The following AHNAK2 variants were observed in gnomAD, a reference collection of about 807,000 sequenced individuals.
AHNAK2 encodes protein AHNAK2.
Under a neutral mutation model 30.7 loss-of-function variants are expected in AHNAK2, and 18 were observed. The observed-to-expected ratio is 0.59, with a 90% CI of 0.41 to 0.87. The LOEUF (loss-of-function observed/expected upper bound fraction) is 0.87, where lower values mean the gene tolerates loss of function less well. Among genes scored for constraint, AHNAK2 ranks in the 40% least tolerant of loss-of-function variants. The pLI is 0.00. For synonymous variants in AHNAK2, 3,590 were observed against 3,073.8 expected (o/e 1.17, Z -5.56); for missense variants, 8,604 against 7,373.0 (o/e 1.17, Z -6.11).
In AHNAK2 at chr14:104,939,584, C is replaced by A. The variant is rs781069586; in HGVS notation, c.15867G>T (p.Gly5289=). The stretch of plus-strand genomic sequence containing the variant: ...TGACCTCAGAAGTGGAAAGCTCATC[C>A]CCAGTCATCCCAGCAGTGGAGAGGT... ...KLHLSTAGMT[G]DELSTSEVRI... The change falls in exon 7 of 7, where the codon GGG becomes GGT. Residue 5289 remains glycine (G), a synonymous_variant. Transcript: ENST00000333244. 1 of 1,613,806 alleles carries A rather than the reference C, an allele frequency of 6.2e-7. No individual in the cohort carries two copies. Among genetic ancestry groups the A allele is most frequent in the East Asian group, 2.2e-5 (1 of 44,878 alleles).
At position 104,944,918 on chromosome 14, in the gene AHNAK2, G is replaced by A; in HGVS notation, c.10533C>T (p.Ser3511=). The A allele has an allele frequency of 6.2e-7, 1 of 1,613,328 alleles. No homozygotes were observed. The highest frequency in any genetic ancestry group is 1.1e-5 in the South Asian group (1 of 91,050). Reference sequence around the variant, plus strand: ...CAGTGGCCTTGAGGTCCCCCTGCATGGAGGAGAGGCTCACGTCGGCCTCCA... The same window carrying A: ...CAGTGGCCTTGAGGTCCCCCTGCATAGAGGAGAGGCTCACGTCGGCCTCCA... The part of the protein sequence containing the change: ...PKVEADVSLS[S]MQGDLKATDL... The change falls in exon 7 of 7, where the codon TCC becomes TCT. Residue 3511 remains serine (S), a synonymous_variant. Coordinates refer to ENST00000333244, the MANE Select transcript of AHNAK2 (RefSeq NM_138420.4).
In AHNAK2 at chr14:104,940,409, C is replaced by T; in HGVS notation, c.15042G>A (p.Gly5014=). The change falls in exon 7 of 7, where the codon GGG becomes GGA. Residue 5014 remains glycine (G), a synonymous_variant. Coordinates refer to ENST00000333244, the MANE Select transcript of AHNAK2 (RefSeq NM_138420.4). The surrounding 1 kb of genome is among the most constrained non-coding windows in gnomAD (Gnocchi z 4.4). ...DLPPERDGEK[G]RSTKPGFAMP... Reference sequence around the variant, plus strand: ...TGGCAAAGCCAGGCTTTGTGCTCCTCCCCTTCTCTCCATCCCTCTCAGGAG... The same window carrying T: ...TGGCAAAGCCAGGCTTTGTGCTCCTTCCCTTCTCTCCATCCCTCTCAGGAG... 6.2e-7 allele frequency: 1 copy of T among 1,613,922 alleles called. No homozygotes were observed. The highest frequency in any genetic ancestry group is 8.5e-7 in the Non-Finnish European group (1 of 1,179,900).
rs373803917 is a variant in AHNAK2 at position 104,942,697 on chromosome 14, C to T, written c.12754G>A (p.Val4252Met). The T allele has an allele frequency of 5.0e-6, 8 of 1,613,444 alleles. No homozygotes were observed. In the African/African-American group the frequency reaches 1.1e-4, roughly 22 times the overall value. Residue 4252 changes from valine to methionine, a missense_variant, in exon 7 of 7, where the codon GTG (valine) becomes ATG (methionine). Val to Met is a conservative substitution (Grantham distance 21). Coordinates refer to ENST00000333244, the MANE Select transcript of AHNAK2 (RefSeq NM_138420.4). Reference protein sequence around the residue: ...KLDLKGPKADVMTPVVEVSLP... With the variant: ...KLDLKGPKADMMTPVVEVSLP... ...GACACCTCCACGACGGGGGTCATCA[C>T]ATCCGCCTTGGGGCCTTTCAGGTCC...
At position 104,940,520 on chromosome 14, in the gene AHNAK2, T is replaced by C; in HGVS notation, c.14931A>G (p.Pro4977=). The C allele has an allele frequency of 1.2e-6, 2 of 1,613,784 alleles. No individual in the cohort carries two copies. The highest frequency in any genetic ancestry group is 1.7e-6 in the Non-Finnish European group (2 of 1,179,876). ...PKKETGPKVD[P]ECSVEDSKLS... is the part of the protein sequence containing the mutation. The stretch of plus-strand genomic sequence containing the variant: ...GTTTTGAGTCCTCCACGCTGCATTC[T>C]GGGTCCACCTTTGGCCCTGTTTCCT... The change falls in exon 7 of 7, where the codon CCA becomes CCG. Residue 4977 remains proline (P), a synonymous_variant. Transcript: ENST00000333244. This position sits in a 1 kb window ranked among gnomAD's most constrained non-coding sequence, Gnocchi z 4.4.
At position 104,947,543 on chromosome 14, in the gene AHNAK2, C is replaced by G. The variant is rs565513992; in HGVS notation, c.7908G>C (p.Leu2636=). Residue 2636 remains leucine, a synonymous_variant, in exon 7 of 7, where the codon CTG becomes CTC. Transcript: ENST00000333244. ...CTTTGGCTGTCACACCCTTGTCGGCCAGGGACAGGTCCCCCTCCAGCCGCG... is the reference window on the plus strand; with the variant it reads ...CTTTGGCTGTCACACCCTTGTCGGCGAGGGACAGGTCCCCCTCCAGCCGCG... ...DGARLEGDLS[L]ADKGVTAKDS... 4.2e-5 allele frequency: 68 copies of G among 1,612,716 alleles called. 1 individual carries two copies. The South Asian group carries it at 7.1e-4, about 17-fold the overall frequency.
rs918044458 is a variant in AHNAK2 at position 104,978,370 on chromosome 14, G to C, written c.-133C>G. 2 of 522,784 alleles carry C rather than the reference G, an allele frequency of 3.8e-6. No homozygotes were observed. Among genetic ancestry groups the C allele is most frequent in the Admixed American group, 1.2e-4 (2 of 16,668 alleles). 32.4% of individuals were successfully genotyped at this position (522,784 alleles called of 1,614,324 possible). A position where few individuals can be genotyped will look rare whatever the true frequency, so the allele number is the denominator to read the frequency against. On this transcript the variant is annotated 5_prime_UTR_variant, in exon 1 of 7. Coordinates refer to ENST00000333244, the MANE Select transcript of AHNAK2 (RefSeq NM_138420.4). ...TGCGCTGCCGCGGGCGGCCGACCTC[G>C]GACTGCGGACACCGCGCGCCAGGCT...
At position 104,953,282 on chromosome 14, in the gene AHNAK2, G is replaced by C. The variant is rs199552372; in HGVS notation, c.2169C>G (p.Leu723=). 8.7e-6 allele frequency: 14 copies of C among 1,612,498 alleles called. No homozygotes were observed. In the African/African-American group the frequency reaches 1.3e-4, roughly 16 times the overall value. ...GGTCAGCGGAAGGGGTCTGGACGCT[G>C]AGGTCAGTGGTCTTGAGGTCCCCCT... ...SMQGDLKTTD[L]SVQTPSADLE... The change falls in exon 7 of 7, where the codon CTC becomes CTG. Residue 723 remains leucine, a synonymous_variant. Coordinates refer to ENST00000333244, the MANE Select transcript of AHNAK2 (RefSeq NM_138420.4).
chr14:104,956,762 GC>G, intron 3 of AHNAK2, 73 bp from the exon 4 acceptor site: 1 of 1,440,316 alleles, frequency 6.9e-7, no homozygotes, highest in Non-Finnish European at 9.7e-7. Context: ...GTAGGCTGGT[GC>G]CAGACCAGGA....
rs765408572 is a variant in AHNAK2 at position 104,941,432 on chromosome 14, A to G, written c.14019T>C (p.His4673=). 4 of 1,612,996 alleles carry G rather than the reference A, an allele frequency of 2.5e-6. No individual in the cohort carries two copies. Among genetic ancestry groups the G allele is most frequent in the Non-Finnish European group, 3.4e-6 (4 of 1,179,622 alleles). ...STFPIVESVV[H]EGDLHDPSRD... ...GAGATGGATCATGAAGATCACCTTC[A>G]TGAACAACAGATTCCACAATGGGAA... Residue 4673 remains histidine (H), a synonymous_variant, in exon 7 of 7, where the codon CAT becomes CAC. Coordinates refer to ENST00000333244, the MANE Select transcript of AHNAK2 (RefSeq NM_138420.4).
chr14:104,975,489 C>T (rs545411280), intron 1 of AHNAK2, among the ~76,000 whole-genome samples: 1 of 132,202 alleles, frequency 7.6e-6, no homozygotes, highest in Non-Finnish European at 1.5e-5. Flanking sequence ...CCCTCTGCTG[C>T]CTCCTCCTCA....
Position 104,949,863 on chromosome 14 carries a change from T to A in AHNAK2, c.5588A>T (p.Gln1863Leu), listed in dbSNP as rs745493897. 6.3e-7 allele frequency: 1 copy of A among 1,587,990 alleles called. No individual in the cohort carries two copies. ...GAGGTCCGTGGTCTTGAGGTCCCCC[T>A]GCATGGAGGGGAGGCTCACTTCGGC... Reference protein sequence around the residue: ...VEAEVSLPSMQGDLKTTDLCI... With the variant: ...VEAEVSLPSMLGDLKTTDLCI... The change falls in exon 7 of 7, where the codon CAG becomes CTG. Residue 1863 changes from glutamine (Q) to leucine (L), a missense_variant. Physicochemically the swap from Gln to Leu is moderately radical, Grantham distance 113. Transcript: ENST00000333244.
Position 104,939,885 on chromosome 14 carries a change from C to G in AHNAK2, c.15566G>C (p.Trp5189Ser), listed in dbSNP as rs1566895399. Residue 5189 changes from tryptophan to serine, a missense_variant, in exon 7 of 7, where the codon TGG becomes TCG. Transcript: ENST00000333244. Reference sequence around the variant, plus strand: ...CATGCGGAACTTGGGCATTTTAAACCAGCTTTCCTGCGAGTACTTGGTCAT... The same window carrying G: ...CATGCGGAACTTGGGCATTTTAAACGAGCTTTCCTGCGAGTACTTGGTCAT... ...EAMTKYSQES[W>S]FKMPKFRMPS... 6.2e-7 allele frequency: 1 copy of G among 1,613,470 alleles called. No homozygotes were observed. Among genetic ancestry groups the G allele is most frequent in the African/African-American group, 1.3e-5 (1 of 74,926 alleles).
At position 104,960,721 on chromosome 14, in the gene AHNAK2, T is replaced by C. The variant is rs114560426; in HGVS notation, c.56-3049A>G. 3.1e-3 allele frequency among the ~76,000 whole-genome samples: 471 copies of C among 152,354 alleles called. 2 individuals are homozygous for C. Among genetic ancestry groups the C allele is most frequent in the African/African-American group, 0.011 (453 of 41,576 alleles). On this transcript the variant is annotated intron_variant, in intron 1 of 6. Transcript: ENST00000333244. Reference sequence around the variant, plus strand: ...TTCCAGAACTGGATTGTGGTAATGTTTGCACAACTCTATAAGGTTAGTAAA... The same window carrying C: ...TTCCAGAACTGGATTGTGGTAATGTCTGCACAACTCTATAAGGTTAGTAAA...
At chr14:104,976,889 G>A (rs942187404) in intron 1 of AHNAK2, among the ~76,000 whole-genome samples, 1 of 152,188 alleles carries the variant, frequency 6.6e-6, no homozygotes, top group Non-Finnish European at 1.5e-5. Flanking sequence ...CAGCCATGTG[G>A]GCAGGGCCAG....
Position 104,939,225 on chromosome 14 carries a change from G to A in AHNAK2, c.16226C>T (p.Thr5409Ile). 1 of 1,613,910 alleles carries A rather than the reference G, an allele frequency of 6.2e-7. No individual in the cohort carries two copies. Among genetic ancestry groups the A allele is most frequent in the Non-Finnish European group, 8.5e-7 (1 of 1,179,898 alleles). ...CTCTGGACACTGCACTTCCCTCACAGTGGGGATGAACACATCATCCTCTGA... is the reference window on the plus strand; with the variant it reads ...CTCTGGACACTGCACTTCCCTCACAATGGGGATGAACACATCATCCTCTGA... The part of the protein sequence containing the change: ...PSSEDDVFIP[T>I]VREVQCPEAN... Residue 5409 changes from threonine to isoleucine, a missense_variant, in exon 7 of 7, where the codon ACT becomes ATT. Thr to Ile is a moderately conservative substitution (Grantham distance 89, BLOSUM62 -1). Coordinates refer to ENST00000333244, the MANE Select transcript of AHNAK2 (RefSeq NM_138420.4).
chr14:104,942,432 T>G lies in AHNAK2; in HGVS notation c.13019A>C (p.Asp4340Ala). 1 of 1,612,324 alleles carries G rather than the reference T, an allele frequency of 6.2e-7. No homozygotes were observed. Among genetic ancestry groups the G allele is most frequent in the South Asian group, 1.1e-5 (1 of 90,986 alleles). Reference sequence around the variant, plus strand: ...AATGCTGAGGTGAGTGGTCTTCAGGTCCCCCTGCATGGAGGGGAGGCTCAC... The same window carrying G: ...AATGCTGAGGTGAGTGGTCTTCAGGGCCCCCTGCATGGAGGGGAGGCTCAC... ...ADVSLPSMQGDLKTTHLSIQP... is the reference protein window; with the variant it reads ...ADVSLPSMQGALKTTHLSIQP... Residue 4340 changes from aspartate (D) to alanine (A), a missense_variant, in exon 7 of 7, where the codon GAC becomes GCC. Asp to Ala is a moderately radical substitution (Grantham distance 126). Coordinates refer to ENST00000333244, the MANE Select transcript of AHNAK2 (RefSeq NM_138420.4).
intron 1 of AHNAK2, among the ~76,000 whole-genome samples, chr14:104,961,180 T>C (rs1899125076): frequency 6.6e-6 from 1 of 150,558 alleles, no homozygotes; most frequent in Non-Finnish European, 1.5e-5. Flanking sequence ...TTTACAAATA[T>C]AGAAGTAAAG....
In AHNAK2 at chr14:104,978,368, T is replaced by G; in HGVS notation, c.-131A>C. On this transcript the variant is annotated 5_prime_UTR_variant, in exon 1 of 7. Transcript: ENST00000333244. ...CCTGCGCTGCCGCGGGCGGCCGACC[T>G]CGGACTGCGGACACCGCGCGCCAGG... 1.7e-6 allele frequency: 1 copy of G among 578,812 alleles called. No homozygotes were observed. Among genetic ancestry groups the G allele is most frequent in the Non-Finnish European group, 2.2e-6 (1 of 450,882 alleles). The allele number at this position is 578,812 out of a possible 1,614,324, so 35.9% of individuals were successfully genotyped here.
chr14:104,947,305 G>T lies in AHNAK2; in HGVS notation c.8146C>A (p.Leu2716Ile). The T allele has an allele frequency of 6.2e-7, 1 of 1,611,988 alleles. No individual in the cohort carries two copies. Among genetic ancestry groups the T allele is most frequent in the Non-Finnish European group, 8.5e-7 (1 of 1,179,400 alleles). ...CCCTCGGGAACGTGGCCCTCTGGGA[G>T]TTTCACATCCACCTGGCCAGCCTGG... ...EVQAGQVDVK[L>I]PEGHVPEGAG... The change falls in exon 7 of 7, where the codon CTC becomes ATC. Residue 2716 changes from leucine to isoleucine, a missense_variant. Physicochemically the swap from Leu to Ile is conservative, Grantham distance 5. Transcript: ENST00000333244.
Sources: gnomAD v4.1 joint callset for allele counts (sites outside exome capture counted in the v4.1 genomes callset) on GRCh38, gnomAD v4.1.1 for gene constraint, Gnocchi (gnomAD v3.1) non-coding constraint, MANE v1.5 for transcripts, NCBI Gene and HGNC (gene_info 2026-07-23, HGNC 2026-07-21) for gene names.